Variants in TMEM232 observed in about 807,000 individuals in gnomAD.
TMEM232 encodes the protein transmembrane protein 232.
In TMEM232, 80 loss-of-function variants were observed where a neutral mutation model predicts 78.8. The observed-to-expected ratio is 1.01, with a 90% CI of 0.85 to 1.22. The LOEUF is 1.22. TMEM232 is among the 50% of genes most tolerant of loss of function. TMEM232 has a pLI of 0.00. For synonymous variants in TMEM232, 297 were observed against 254.3 expected (o/e 1.17, Z -1.60); for missense variants, 881 against 742.2 (o/e 1.19, Z -2.17).
chr5:110,630,506 C>T (rs1580427343), intron 5 of TMEM232, among the ~76,000 whole-genome samples: 1 of 152,232 alleles, frequency 6.6e-6, no homozygotes, highest in South Asian at 2.1e-4. Flanking sequence ...TGGACTTCTC[C>T]CTTGCACTTC....
intron 12 of TMEM232, among the ~76,000 whole-genome samples, chr5:110,448,087 G>A (rs1759863374): frequency 6.6e-6 from 1 of 151,738 alleles, no homozygotes; most frequent in Non-Finnish European, 1.5e-5. Context: ...TAAACTATAA[G>A]AACAAAAGCA....
rs137919236 is a variant in TMEM232, at chr5:110,463,116, T to C, written c.1704-38200A>G. Reference sequence around the variant, plus strand: ...AATGCTATCCAACAGTATTTCAGGTTACAGAGAAATCTTTCATTGTGGCGA... The same window carrying C: ...AATGCTATCCAACAGTATTTCAGGTCACAGAGAAATCTTTCATTGTGGCGA... On this transcript the variant is annotated intron_variant, in intron 12 of 13. Transcript: ENST00000455884. 6.5e-3 allele frequency among the ~76,000 whole-genome samples: 991 copies of C among 152,276 alleles called. 20 individuals are homozygous for C. Among genetic ancestry groups the C allele is most frequent in the African/African-American group, 0.022 (919 of 41,548 alleles).
Position 110,420,626 on chromosome 5 carries a change from T to C in TMEM232, c.1928A>G (p.Lys643Arg). ...VMKKREEKLH[K>R]QTKPYELPYR... The stretch of plus-strand genomic sequence containing the variant: ...AGGAAGTTCATAGGGCTTGGTTTGC[T>C]TATGTAGTTTCTCTTCTCTTTTCTT... The change falls in exon 14 of 14, where the codon AAG becomes AGG. Residue 643 changes from lysine to arginine, a missense_variant. By Grantham distance (26) the Lys-to-Arg change is conservative (BLOSUM62 2). Coordinates refer to ENST00000455884, the MANE Select transcript of TMEM232 (RefSeq NM_001039763.4). The C allele has an allele frequency of 6.6e-7, 1 of 1,518,850 alleles. No individual in the cohort carries two copies. The highest frequency in any genetic ancestry group is 1.3e-5 in the South Asian group (1 of 79,614). 94.1% of individuals were successfully genotyped at this position (1,518,850 alleles called of 1,614,324 possible). A position where few individuals can be genotyped will look rare whatever the true frequency, so the allele number is the denominator to read the frequency against.
chr5:110,582,747 T>G (rs1293464657), intron 10 of TMEM232, among the ~76,000 whole-genome samples: 1 of 151,844 alleles, frequency 6.6e-6, no homozygotes, highest in Non-Finnish European at 1.5e-5. Flanking sequence ...CATAATCTTA[T>G]ATGAAGAAAA....
chr5:110,484,329 A>C (rs934255534), intron 12 of TMEM232, among the ~76,000 whole-genome samples: 1 of 152,058 alleles, frequency 6.6e-6, no homozygotes, highest in African/African-American at 2.4e-5. Context: ...TTAAAAAGTG[A>C]AAAATCGAAA....
chr5:110,451,119 GT>G (rs930707200), intron 12 of TMEM232, among the ~76,000 whole-genome samples: 2 of 152,142 alleles, frequency 1.3e-5, no homozygotes, highest in Non-Finnish European at 2.9e-5. Flanking sequence ...GACACTGCTA[GT>G]TTAGGACTTA....
chr5:110,444,295 C>T (rs992884613), intron 12 of TMEM232, among the ~76,000 whole-genome samples: 1 of 152,130 alleles, frequency 6.6e-6, no homozygotes, highest in Non-Finnish European at 1.5e-5. Flanking sequence ...GATCCAAATT[C>T]TCCTTCCCTG....
chr5:110,596,279 T>A (rs1349675148), intron 10 of TMEM232, among the ~76,000 whole-genome samples: 1 of 152,082 alleles, frequency 6.6e-6, no homozygotes, highest in South Asian at 2.1e-4. Flanking sequence ...ATGGATAAAT[T>A]CCTCGACACA....
intron 1 of TMEM232, among the ~76,000 whole-genome samples, chr5:110,677,182 T>C (rs902195314): frequency 1.3e-5 from 2 of 152,240 alleles, no homozygotes; most frequent in Admixed American, 6.5e-5. Flanking sequence ...TGGCCATTTG[T>C]GTATCTTCTT....
chr5:110,413,946 G>T (rs1756091945), intron 2 of TMEM232, among the ~76,000 whole-genome samples: 1 of 152,184 alleles, frequency 6.6e-6, no homozygotes, highest in South Asian at 2.1e-4. Context: ...TCATTGGCCA[G>T]AAATAACCAT....
intron 11 of TMEM232, among the ~76,000 whole-genome samples, chr5:110,539,783 A>G (rs1581141669): frequency 6.6e-6 from 1 of 152,208 alleles, no homozygotes; most frequent in African/African-American, 2.4e-5. Flanking sequence ...CCTGGCAGAC[A>G]GGGGATACAA....
At position 110,620,407 on chromosome 5, in the gene TMEM232, A is replaced by C. The variant is rs149320000; in HGVS notation, c.769-1845T>G. Among the ~76,000 whole-genome samples, 1,478 of 152,288 alleles carry C rather than the reference A, an allele frequency of 9.7e-3. 32 individuals carry two copies. Among genetic ancestry groups the C allele is most frequent in the African/African-American group, 0.033 (1,380 of 41,550 alleles). On this transcript the variant is annotated intron_variant, in intron 7 of 13. Coordinates refer to ENST00000455884, the MANE Select transcript of TMEM232 (RefSeq NM_001039763.4). ...AGTCACTCTGCCACCCACAAAATAC[A>C]TAATCACAGAATTGCCCCAACTTTT...
At chr5:110,620,235 T>C (rs902713643) in intron 7 of TMEM232, among the ~76,000 whole-genome samples, 1 of 152,164 alleles carries the variant, frequency 6.6e-6, no homozygotes, top group Non-Finnish European at 1.5e-5. Context: ...GACATACTAT[T>C]ACAAGCTGGT....
chr5:110,507,519 A>G (rs1278195992), intron 12 of TMEM232, among the ~76,000 whole-genome samples: 1 of 152,188 alleles, frequency 6.6e-6, no homozygotes, highest in Non-Finnish European at 1.5e-5. Context: ...TCAGAAGCAA[A>G]TATGCAGAAT....
chr5:110,422,445 G>A (rs1468596474), intron 13 of TMEM232, among the ~76,000 whole-genome samples: 3 of 148,438 alleles, frequency 2.0e-5, no homozygotes, highest in Non-Finnish European at 3.0e-5. Flanking sequence ...GCATGAACCC[G>A]GGAGGCAGAG....
At chr5:110,430,807 A>G (rs1757751052) in intron 12 of TMEM232, among the ~76,000 whole-genome samples, 1 of 151,820 alleles carries the variant, frequency 6.6e-6, no homozygotes, top group South Asian at 2.1e-4. Context: ...ATGACCTGAC[A>G]GATAACAAAT....
chr5:110,510,534 G>A (rs1455172768), intron 12 of TMEM232, among the ~76,000 whole-genome samples: 5 of 152,034 alleles, frequency 3.3e-5, no homozygotes, highest in Admixed American at 2.6e-4. Context: ...TATATTGAAT[G>A]GCATATTTCA....
At chr5:110,465,718 A>G (rs2149363215) in intron 12 of TMEM232, among the ~76,000 whole-genome samples, 1 of 152,320 alleles carries the variant, frequency 6.6e-6, no homozygotes, top group Non-Finnish European at 1.5e-5. Flanking sequence ...TGCTTTGTTG[A>G]TAAAAGTAAA....
chr5:110,547,683 T>C (rs923278948), intron 11 of TMEM232, among the ~76,000 whole-genome samples: 1 of 152,060 alleles, frequency 6.6e-6, no homozygotes, highest in Non-Finnish European at 1.5e-5. Context: ...AATGAAATCA[T>C]CCTTCAAAAT....
Sources: allele counts gnomAD v4.1 joint callset (sites outside exome capture counted in the v4.1 genomes callset), GRCh38; gene constraint gnomAD v4.1.1; transcripts MANE v1.5; gene names NCBI Gene and HGNC (gene_info 2026-07-23, HGNC 2026-07-21).